The following TENM4 variants were observed in gnomAD, a reference collection of about 807,000 sequenced individuals.
TENM4 encodes teneurin transmembrane protein 4, also known as teneurin-4.
TENM4 carries 82 observed loss-of-function variants against 243.3 expected under a neutral mutation model. The ratio of observed to expected loss-of-function variants is 0.34; its 90% CI spans 0.28 to 0.40. TENM4 has a LOEUF of 0.40. Among genes scored for constraint, TENM4 ranks in the 10% least tolerant of loss-of-function variants. The pLI, the probability that TENM4 is intolerant of heterozygous loss-of-function variation, is 1.00. For missense variants in TENM4, 3,138 were observed against 3,673.3 expected (o/e 0.85, Z 3.77); for synonymous variants, 1,412 against 1,456.3 (o/e 0.97, Z 0.69).
At chr11:79,255,253 T>C (rs1483913498) in intron 2 of TENM4, among the ~76,000 whole-genome samples, 3 of 152,218 alleles carry the variant, frequency 2.0e-5, no homozygotes, top group Non-Finnish European at 2.9e-5. Context: ...CTGTCTCCTT[T>C]ACACTCTGCA....
At chr11:78,819,564 T>C (rs750500086) in intron 12 of TENM4, among the ~76,000 whole-genome samples, 4 of 152,200 alleles carry the variant, frequency 2.6e-5, no homozygotes, top group Non-Finnish European at 5.9e-5. Flanking sequence ...ACCTGCCTCT[T>C]GCCTTGCTCT....
intron 18 of TENM4, among the ~76,000 whole-genome samples, chr11:78,768,723 T>G (rs1371211322): frequency 2.0e-5 from 3 of 152,208 alleles, no homozygotes; most frequent in Non-Finnish European, 2.9e-5. Context: ...CTTTTCCACT[T>G]CCTACTGGCT....
intron 10 of TENM4, among the ~76,000 whole-genome samples, chr11:78,858,352 T>A (rs371140144): frequency 1.2e-5 from 1 of 85,882 alleles, no homozygotes; most frequent in African/African-American, 3.7e-5. Flanking sequence ...GAAATTGTCT[T>A]GAGTGTGTAT....
At chr11:78,868,730 A>G (rs1859049976) in intron 9 of TENM4, among the ~76,000 whole-genome samples, 1 of 152,180 alleles carries the variant, frequency 6.6e-6, no homozygotes, top group Non-Finnish European at 1.5e-5. Flanking sequence ...CACGATGCAC[A>G]CTTCCCTTCC....
At chr11:79,189,180 A>T (rs182691816) in intron 3 of TENM4, among the ~76,000 whole-genome samples, 1 of 152,250 alleles carries the variant, frequency 6.6e-6, no homozygotes, top group African/African-American at 2.4e-5. Context: ...ATGATCTTGA[A>T]TAAGGTACTT....
intron 1 of TENM4, among the ~76,000 whole-genome samples, chr11:79,308,481 A>T (rs1255348022): frequency 1.3e-5 from 2 of 152,224 alleles, no homozygotes; most frequent in African/African-American, 4.8e-5. Flanking sequence ...ATACAAAAAT[A>T]TCTGATTCCT....
rs143507747 is a variant in TENM4, at chr11:78,782,697, C to T, written c.2366-4069G>A. Among the ~76,000 whole-genome samples, 695 of 151,644 alleles carry T rather than the reference C, an allele frequency of 4.6e-3. 4 individuals carry two copies. The highest frequency in any genetic ancestry group is 0.015 in the African/African-American group (638 of 41,320). On this transcript the variant is annotated intron_variant, in intron 16 of 33. Coordinates refer to ENST00000278550, the MANE Select transcript of TENM4 (RefSeq NM_001098816.3). ...AGAAGAATTGCTTGAACCTGGGAGG[C>T]GGAAGTTTCAGTGATCCGAGGTGGT... is the stretch of plus-strand genomic sequence containing the variant.
chr11:78,936,952 G>C (rs1856799428), intron 6 of TENM4, among the ~76,000 whole-genome samples: 1 of 152,054 alleles, frequency 6.6e-6, no homozygotes, highest in African/African-American at 2.4e-5. Flanking sequence ...TGCAAAAAAG[G>C]GTTAATTAAG....
chr11:79,270,865 G>T (rs58139908), intron 2 of TENM4, among the ~76,000 whole-genome samples: 3,936 of 152,290 alleles, frequency 0.026, 115 homozygotes, highest in African/African-American at 0.057. Context: ...TCAGTCCTTA[G>T]CAGAGGGCTG....
intron 1 of TENM4, among the ~76,000 whole-genome samples, chr11:79,298,001 T>G (rs1005224728): frequency 6.6e-6 from 1 of 151,946 alleles, no homozygotes; most frequent in Admixed American, 6.6e-5. Context: ...ATATCCCATA[T>G]TAAAAAGCAC....
intron 9 of TENM4, among the ~76,000 whole-genome samples, chr11:78,868,722 C>A (rs780081192): frequency 6.6e-6 from 1 of 152,200 alleles, no homozygotes; most frequent in Admixed American, 6.5e-5. Context: ...TCTGCTGTCA[C>A]GATGCACACT....
chr11:79,383,123 G>C (rs1191436572), intron 1 of TENM4, among the ~76,000 whole-genome samples: 1 of 152,128 alleles, frequency 6.6e-6, no homozygotes, highest in Non-Finnish European at 1.5e-5. Flanking sequence ...TGTACCCTCT[G>C]AGTCCCCTTT....
At chr11:79,367,592 A>G (rs7130927) in intron 1 of TENM4, among the ~76,000 whole-genome samples, 40,620 of 152,164 alleles carry the variant, frequency 0.27, 5,601 homozygotes, top group African/African-American at 0.33. Context: ...GAAAAAATAT[A>G]TTATTATTTA....
chr11:79,184,173 A>G (rs971651055), intron 3 of TENM4, among the ~76,000 whole-genome samples: 3 of 152,208 alleles, frequency 2.0e-5, no homozygotes, highest in African/African-American at 7.2e-5. Context: ...GGCCTTATAA[A>G]GGGAGGAAAT....
intron 7 of TENM4, among the ~76,000 whole-genome samples, chr11:78,892,682 A>T (rs905264698): frequency 6.6e-6 from 1 of 152,216 alleles, no homozygotes; most frequent in African/African-American, 2.4e-5. Context: ...TCTACCACAT[A>T]TTATTTATTG....
At chr11:78,779,322 T>C (rs994866529) in intron 16 of TENM4, among the ~76,000 whole-genome samples, 11 of 152,232 alleles carry the variant, frequency 7.2e-5, no homozygotes, top group African/African-American at 2.7e-4. Flanking sequence ...GGTCAATGGA[T>C]GTCACTGTGA....
chr11:79,080,438 G>A (rs1206793357), intron 4 of TENM4, among the ~76,000 whole-genome samples: 1 of 152,272 alleles, frequency 6.6e-6, no homozygotes, highest in Non-Finnish European at 1.5e-5. Context: ...GAGGCTGCCT[G>A]AAGGAGGAAT....
intron 1 of TENM4, among the ~76,000 whole-genome samples, chr11:79,410,411 G>A (rs1858672990): frequency 6.6e-6 from 1 of 152,206 alleles, no homozygotes; most frequent in Non-Finnish European, 1.5e-5. Flanking sequence ...AGGGCAGAGA[G>A]ACTGGTTCTA....
At chr11:79,094,200 C>G (rs745952029) in intron 4 of TENM4, among the ~76,000 whole-genome samples, 1 of 152,140 alleles carries the variant, frequency 6.6e-6, no homozygotes, top group Non-Finnish European at 1.5e-5. Flanking sequence ...TGGGGCCAGA[C>G]AGCCTGAGTA....
Sources: allele counts gnomAD v4.1 joint callset (sites outside exome capture counted in the v4.1 genomes callset), GRCh38; gene constraint gnomAD v4.1.1; transcripts MANE v1.5; gene names NCBI Gene and HGNC (gene_info 2026-07-23, HGNC 2026-07-21).